Variants in GPC5 observed in about 807,000 individuals in gnomAD.
GPC5 encodes glypican 5, also known as glypican-5.
Under a neutral mutation model 53.9 loss-of-function variants are expected in GPC5, and 47 were observed. That is an observed-to-expected ratio of 0.87 (90% CI 0.69 to 1.11). The LOEUF (loss-of-function observed/expected upper bound fraction) is 1.11, where lower values mean the gene tolerates loss of function less well. Ranked by LOEUF, GPC5 falls within the 50% of genes most tolerant of loss-of-function variation. GPC5 has a pLI of 0.00. For synonymous variants in GPC5, 286 were observed against 263.3 expected, an observed-to-expected ratio of 1.09 and a Z score of -0.84; for missense variants, 748 against 713.1, an observed-to-expected ratio of 1.05 and a Z score of -0.56.
Position 92,100,458 on chromosome 13 carries a change from T to C in GPC5, c.1402-44372T>C, listed in dbSNP as rs577849682. Among the ~76,000 whole-genome samples, 3 of 152,266 alleles carry C rather than the reference T, an allele frequency of 2.0e-5. No individual in the cohort carries two copies. In the East Asian group the frequency reaches 5.8e-4, roughly 29 times the overall value. On this transcript the variant is annotated intron_variant, in intron 6 of 7. Transcript: ENST00000377067. ...ATAAGGTCAAAAGAATAGTTAAATA[T>C]TGCACTAGGTACTTCACAGGGATAC... is the stretch of plus-strand genomic sequence containing the variant.
At chr13:91,845,302 G>GT (rs141878341) in intron 5 of GPC5, among the ~76,000 whole-genome samples, 20,539 of 150,574 alleles carry the variant, frequency 0.14, 1,495 homozygotes, top group African/African-American at 0.19. Flanking sequence ...AATCAGTAAG[G>GT]TTTTTTTTTA....
chr13:91,595,410 A>T (rs1251613964), intron 2 of GPC5, among the ~76,000 whole-genome samples: 1 of 152,116 alleles, frequency 6.6e-6, no homozygotes, highest in Non-Finnish European at 1.5e-5. Context: ...TTTATCTCTA[A>T]TACTACTTTA....
At chr13:92,664,435 CT>C (rs1362661919) in intron 7 of GPC5, among the ~76,000 whole-genome samples, 2 of 150,278 alleles carry the variant, frequency 1.3e-5, no homozygotes, top group Non-Finnish European at 3.0e-5. Context: ...GTTTTGCTAA[CT>C]TTTGTACATT....
At chr13:92,197,845 G>A (rs1471396960) in intron 7 of GPC5, among the ~76,000 whole-genome samples, 2 of 151,830 alleles carry the variant, frequency 1.3e-5, no homozygotes, top group Admixed American at 6.6e-5. Flanking sequence ...AAATCCAGAT[G>A]TCTTACTGCT....
chr13:91,927,008 C>T lies in GPC5; in HGVS notation c.1401+18951C>T, dbSNP rs1042814391. ...GGAAAGGAACATCTACTGAAATCATCGTATACAAATATTTCTCAATATTTT... is the reference window on the plus strand; with the variant it reads ...GGAAAGGAACATCTACTGAAATCATTGTATACAAATATTTCTCAATATTTT... On this transcript the variant is annotated intron_variant, in intron 6 of 7. Transcript: ENST00000377067. Among the ~76,000 whole-genome samples the T allele has an allele frequency of 4.1e-4, 63 of 152,062 alleles. 2 individuals are homozygous for T. The highest frequency in any genetic ancestry group is 3.9e-4 in the Admixed American group (6 of 15,262).
chr13:92,507,924 G>A (rs1880431372), intron 7 of GPC5, among the ~76,000 whole-genome samples: 1 of 151,984 alleles, frequency 6.6e-6, no homozygotes, highest in African/African-American at 2.4e-5. Flanking sequence ...TGAAAAGAAA[G>A]TCCTGCTTAC....
At chr13:91,560,773 A>T (rs1306576547) in intron 2 of GPC5, among the ~76,000 whole-genome samples, 1 of 149,802 alleles carries the variant, frequency 6.7e-6, no homozygotes, top group Non-Finnish European at 1.5e-5. Flanking sequence ...AGGAAAAAAA[A>T]TTAATGTTAT....
intron 6 of GPC5, among the ~76,000 whole-genome samples, chr13:92,062,467 C>T (rs1216649998): frequency 1.3e-5 from 2 of 151,876 alleles, no homozygotes; most frequent in African/African-American, 4.8e-5. Context: ...TGGATGTTGT[C>T]ATCTTTTATG....
intron 6 of GPC5, among the ~76,000 whole-genome samples, chr13:92,048,478 C>G (rs2041001384): frequency 6.6e-6 from 1 of 152,056 alleles, no homozygotes; most frequent in Non-Finnish European, 1.5e-5. Flanking sequence ...GAAAGTCAGC[C>G]AGGAGGGTGA....
intron 7 of GPC5, among the ~76,000 whole-genome samples, chr13:92,751,567 G>C (rs1889399862): frequency 6.8e-6 from 1 of 146,212 alleles, no homozygotes. Context: ...AAATTGTGCA[G>C]TGGGGAACAT....
At chr13:92,065,958 T>A (rs1199115868) in intron 6 of GPC5, among the ~76,000 whole-genome samples, 1 of 152,130 alleles carries the variant, frequency 6.6e-6, no homozygotes, top group Non-Finnish European at 1.5e-5. Flanking sequence ...GAGATAATGG[T>A]AACAATATTC....
In GPC5 at chr13:92,165,301, A is replaced by G. The variant is rs144606381; in HGVS notation, c.1561+20312A>G. On this transcript the variant is annotated intron_variant, in intron 7 of 7. Transcript: ENST00000377067. ...TAAAAATAAGTTCCAATTCCAAATC[A>G]TATCTTTGTAAATGAATAAAACTGA... Among the ~76,000 whole-genome samples the G allele has an allele frequency of 1.4e-4, 21 of 152,310 alleles. No individual in the cohort carries two copies. In the East Asian group the frequency reaches 4.1e-3, roughly 29 times the overall value.
At chr13:91,434,918 G>T (rs984625496) in intron 1 of GPC5, among the ~76,000 whole-genome samples, 7 of 152,116 alleles carry the variant, frequency 4.6e-5, no homozygotes, top group African/African-American at 1.7e-4. Flanking sequence ...TTGTAAGTTG[G>T]ATTCCTAGGT....
chr13:92,852,789 G>T (rs979404718), intron 7 of GPC5, among the ~76,000 whole-genome samples: 4 of 152,134 alleles, frequency 2.6e-5, no homozygotes, highest in African/African-American at 9.7e-5. Context: ...GTGTCCTACT[G>T]CTCTGGTGAG....
At chr13:92,832,482 T>TTAAAAAAGAACTTTAAA (rs1324390542) in intron 7 of GPC5, among the ~76,000 whole-genome samples, 2 of 152,246 alleles carry the variant, frequency 1.3e-5, no homozygotes, top group East Asian at 3.8e-4. Context: ...TAAAACTTCT[T>TTAAAAAAGAACTTTAAA]ACTAATCTTT....
chr13:92,156,387 G>A (rs2041945406), intron 7 of GPC5, among the ~76,000 whole-genome samples: 1 of 152,110 alleles, frequency 6.6e-6, no homozygotes, highest in African/African-American at 2.4e-5. Context: ...GTTCTCTGCT[G>A]TTTTCACATT....
intron 2 of GPC5, among the ~76,000 whole-genome samples, chr13:91,628,188 C>A (rs532374421): frequency 6.6e-6 from 1 of 151,996 alleles, no homozygotes; most frequent in East Asian, 1.9e-4. Flanking sequence ...TTTGCCATAA[C>A]GTGATCTGAT....
chr13:91,795,533 C>T (rs2038033073), intron 5 of GPC5, among the ~76,000 whole-genome samples: 2 of 152,226 alleles, frequency 1.3e-5, no homozygotes, highest in Non-Finnish European at 2.9e-5. Flanking sequence ...AAGAAAAACA[C>T]TTAACTCCTT....
chr13:92,270,171 G>A (rs1021686132), intron 7 of GPC5, among the ~76,000 whole-genome samples: 2 of 152,138 alleles, frequency 1.3e-5, no homozygotes, highest in Non-Finnish European at 2.9e-5. Context: ...AGCAAATCAT[G>A]TAAGAAGGAG....
Sources: gnomAD v4.1 joint callset for allele counts (sites outside exome capture counted in the v4.1 genomes callset) on GRCh38, gnomAD v4.1.1 for gene constraint, MANE v1.5 for transcripts, NCBI Gene and HGNC (gene_info 2026-07-23, HGNC 2026-07-21) for gene names.